The following CFAP61 variants were observed in gnomAD, a reference collection of about 807,000 sequenced individuals.
CFAP61 encodes cilia and flagella associated protein 61.
Under a neutral mutation model 135.6 loss-of-function variants are expected in CFAP61, and 107 were observed. That is an observed-to-expected ratio of 0.79 (90% CI 0.67 to 0.93). The LOEUF (loss-of-function observed/expected upper bound fraction) is 0.93. Among genes scored for constraint, CFAP61 ranks in the 40% least tolerant of loss-of-function variants. The pLI is 0.00. For synonymous variants in CFAP61, 575 were observed against 578.5 expected (o/e 0.99, Z 0.09); for missense variants, 1,507 against 1,556.2 (o/e 0.97, Z 0.53).
intron 3 of CFAP61, among the ~76,000 whole-genome samples, chr20:20,071,211 C>T (rs2045682243): frequency 6.6e-6 from 1 of 152,158 alleles, no homozygotes; most frequent in Non-Finnish European, 1.5e-5. Context: ...AGTTGGCTAG[C>T]CGCTGGCAAG....
At chr20:20,282,608 T>C (rs1300629634) in intron 22 of CFAP61, among the ~76,000 whole-genome samples, 1 of 152,196 alleles carries the variant, frequency 6.6e-6, no homozygotes, top group Non-Finnish European at 1.5e-5. Context: ...TTTTAATTGA[T>C]TTCTAGTGTA....
chr20:20,319,255 T>C (rs2057308556), intron 25 of CFAP61, among the ~76,000 whole-genome samples: 1 of 152,206 alleles, frequency 6.6e-6, no homozygotes. Flanking sequence ...GGAACTAGAA[T>C]CAAACTGGTG....
chr20:20,272,589 G>A (rs1193487880), intron 21 of CFAP61, among the ~76,000 whole-genome samples: 1 of 152,120 alleles, frequency 6.6e-6, no homozygotes, highest in African/African-American at 2.4e-5. Flanking sequence ...ACACATAACT[G>A]TCAGCCCCAA....
chr20:20,277,693 T>C (rs1327909), intron 22 of CFAP61, among the ~76,000 whole-genome samples: 15,072 of 152,288 alleles, frequency 0.099, 818 homozygotes, highest in Middle Eastern at 0.16. Flanking sequence ...ATTATTTTAT[T>C]ATCCTTATCT....
chr20:20,348,689 CAAAAAAA>C (rs71198052), intron 26 of CFAP61, among the ~76,000 whole-genome samples: 3 of 53,446 alleles, frequency 5.6e-5, no homozygotes, highest in Admixed American at 5.8e-4. Context: ...GACTCCGTAT[CAAAAAAA>C]AAAAAAAAAA....
At chr20:20,323,574 G>A (rs1473451519) in intron 25 of CFAP61, among the ~76,000 whole-genome samples, 1 of 152,200 alleles carries the variant, frequency 6.6e-6, no homozygotes, top group Non-Finnish European at 1.5e-5. Context: ...ATAACGAATG[G>A]AATGCACAGA....
At chr20:20,259,245 CTTTTTTTTTTTTTT>C (rs3060665) in intron 20 of CFAP61, among the ~76,000 whole-genome samples, 1 of 75,944 alleles carries the variant, frequency 1.3e-5, no homozygotes, top group African/African-American at 5.5e-5. Context: ...GCCCTTCCAT[CTTTTTTTTTTTTTT>C]TTTTTTTTTT....
At chr20:20,179,179 G>A (rs1362195876) in intron 13 of CFAP61, among the ~76,000 whole-genome samples, 2 of 152,148 alleles carry the variant, frequency 1.3e-5, no homozygotes, top group Non-Finnish European at 1.5e-5. Context: ...CTTCAGCAAA[G>A]TCTCAGGATA....
intron 17 of CFAP61, among the ~76,000 whole-genome samples, chr20:20,213,162 C>T (rs1375724576): frequency 6.6e-6 from 1 of 152,174 alleles, no homozygotes; most frequent in Non-Finnish European, 1.5e-5. Flanking sequence ...CCTGTGAGCC[C>T]CTCCTCTGAA....
chr20:20,316,898 A>G (rs1321841619), intron 25 of CFAP61: 2 of 128,658 alleles, frequency 1.6e-5, no homozygotes, highest in African/African-American at 2.8e-5. Flanking sequence ...ACCAAGGCAG[A>G]CAGAGTCTCA....
chr20:20,251,534 G>A (rs2050906078), intron 19 of CFAP61, 61 bp from the exon 20 acceptor site: 1 of 1,548,390 alleles, frequency 6.5e-7, no homozygotes, highest in Non-Finnish European at 8.9e-7. Context: ...CTCACCAGAT[G>A]TCTAATTAAT....
Position 20,174,003 on chromosome 20 carries a change from G to A in CFAP61, c.1385+4543G>A, listed in dbSNP as rs547094644. 2.1e-4 allele frequency among the ~76,000 whole-genome samples: 32 copies of A among 152,296 alleles called. No individual in the cohort carries two copies. In the South Asian group the frequency reaches 6.0e-3, roughly 29 times the overall value. On this transcript the variant is annotated intron_variant, in intron 13 of 26. Coordinates refer to ENST00000245957, the MANE Select transcript of CFAP61 (RefSeq NM_015585.4). The stretch of plus-strand genomic sequence containing the variant: ...AAAATCTAAATCTTTTAAATGATGA[G>A]TCTTTCCACACTTGTCTGGGAATTA...
At chr20:20,116,000 T>A (rs893344123) in intron 8 of CFAP61, among the ~76,000 whole-genome samples, 2 of 152,176 alleles carry the variant, frequency 1.3e-5, no homozygotes, top group African/African-American at 2.4e-5. Context: ...GTTTTTTAGT[T>A]TTTTGAGGAA....
chr20:20,211,637 C>T (rs938005027), intron 17 of CFAP61, among the ~76,000 whole-genome samples: 12 of 152,140 alleles, frequency 7.9e-5, no homozygotes, highest in Non-Finnish European at 1.2e-4. Flanking sequence ...TTTGGTCCGT[C>T]GAAACCCATG....
chr20:20,277,560 A>G, intron 22 of CFAP61, 102 bp downstream of exon 22: 1 of 1,284,298 alleles, frequency 7.8e-7, no homozygotes, highest in Non-Finnish European at 1.1e-6. Flanking sequence ...TTGTAGTACC[A>G]GATGTTGGAT....
intron 2 of CFAP61, among the ~76,000 whole-genome samples, chr20:20,066,772 A>G (rs1277340151): frequency 6.6e-6 from 1 of 152,182 alleles, no homozygotes; most frequent in Admixed American, 6.5e-5. Flanking sequence ...GTGTATATGT[A>G]ACAAACCTGT....
intron 24 of CFAP61, among the ~76,000 whole-genome samples, chr20:20,296,330 T>TCCTTCCTTCCCTCCTTC (rs2055563225): frequency 2.5e-5 from 1 of 39,524 alleles, no homozygotes; most frequent in African/African-American, 9.1e-5. Context: ...TTCCTTCCCT[T>TCCTTCCTTCCCTCCTTC]CCTTCCTTCC....
intron 14 of CFAP61, among the ~76,000 whole-genome samples, chr20:20,189,922 G>A (rs2055798679): frequency 6.6e-6 from 1 of 152,150 alleles, no homozygotes; most frequent in African/African-American, 2.4e-5. Flanking sequence ...AGCCTCCTGA[G>A]TAGCTGGGAT....
chr20:20,118,259 TTCTTTCTTTCTTTC>T (rs1396781238), intron 8 of CFAP61, among the ~76,000 whole-genome samples: 1 of 60,728 alleles, frequency 1.6e-5, no homozygotes, highest in Non-Finnish European at 4.7e-5. Context: ...GTATGTTTCT[TTCTTTCTTTCTTTC>T]TTTCTTTCTT....
Sources: allele counts gnomAD v4.1 joint callset (sites outside exome capture counted in the v4.1 genomes callset), GRCh38; gene constraint gnomAD v4.1.1; transcripts MANE v1.5; gene names NCBI Gene and HGNC (gene_info 2026-07-23, HGNC 2026-07-21).